TACC2: variants seen among roughly 807,000 people sequenced by gnomAD.
The protein encoded by TACC2 is transforming acidic coiled-coil containing protein 2, also known as transforming acidic coiled-coil-containing protein 2.
TACC2 carries 137 observed loss-of-function variants against 227.3 expected under a neutral mutation model. The ratio of observed to expected loss-of-function variants is 0.60; its 90% CI spans 0.52 to 0.69. The LOEUF (loss-of-function observed/expected upper bound fraction) is 0.69, where lower values mean the gene tolerates loss of function less well. TACC2 is among the 30% of genes least tolerant of loss of function. The pLI is 0.00. For synonymous variants in TACC2, 1,523 were observed against 1,487.5 expected, an observed-to-expected ratio of 1.02 and a Z score of -0.55; for missense variants, 3,470 against 3,694.4, an observed-to-expected ratio of 0.94 and a Z score of 1.57.
intron 22 of TACC2, among the ~76,000 whole-genome samples, chr10:122,252,266 G>C (rs2096267339): frequency 6.6e-6 from 1 of 152,198 alleles, no homozygotes; most frequent in South Asian, 2.1e-4. Context: ...GACTGGCTGT[G>C]TGACCTTATA....
chr10:122,012,048 C>T (rs1402655800), intron 1 of TACC2, among the ~76,000 whole-genome samples: 2 of 151,984 alleles, frequency 1.3e-5, no homozygotes, highest in East Asian at 3.9e-4. Context: ...AATGATTCTC[C>T]CGCTTCCGCC....
In TACC2 at chr10:122,032,727, A is replaced by G. The variant is rs575988012; in HGVS notation, c.33+10713A>G. Among the ~76,000 whole-genome samples the G allele has an allele frequency of 3.2e-4, 49 of 152,244 alleles. No homozygotes were observed. In the South Asian group the frequency reaches 6.8e-3, roughly 21 times the overall value. ...GCAATCCCAGCACTTTGGGAGACCG[A>G]GGTGGGTGATCACCTGAGGTCAGGA... On this transcript the variant is annotated intron_variant, in intron 2 of 22. Transcript: ENST00000369005.
intron 1 of TACC2, among the ~76,000 whole-genome samples, chr10:122,002,109 T>C (rs953561015): frequency 1.3e-5 from 2 of 152,194 alleles, no homozygotes; most frequent in African/African-American, 4.8e-5. Context: ...GTGAGGATCA[T>C]CTTCTTGGTT....
intron 11 of TACC2, among the ~76,000 whole-genome samples, chr10:122,224,497 A>G (rs2095584273): frequency 6.6e-6 from 1 of 152,144 alleles, no homozygotes; most frequent in East Asian, 1.9e-4. Context: ...CAGCCTCCCT[A>G]ATGGCAGAAG....
In TACC2 at chr10:122,210,122, A is replaced by G. The variant is rs1206044479; in HGVS notation, c.5972-275A>G. On this transcript the variant is annotated intron_variant, in intron 8 of 22. Transcript: ENST00000369005. This position sits in a 1 kb window ranked among gnomAD's most constrained non-coding sequence, Gnocchi z 4.6. The stretch of plus-strand genomic sequence containing the variant: ...CTGGTCCTGATTAGGCACTTGGTGA[A>G]TGTTTTTGAATGAATACTCTGAGCT... 8.1e-6 allele frequency: 4 copies of G among 494,438 alleles called. No homozygotes were observed. The highest frequency in any genetic ancestry group is 1.5e-5 in the Non-Finnish European group (4 of 273,518). 30.6% of individuals were successfully genotyped at this position (494,438 alleles called of 1,614,324 possible). A position where few individuals can be genotyped will look rare whatever the true frequency, so the allele number is the denominator to read the frequency against.
At chr10:122,126,801 C>G (rs897752055) in intron 5 of TACC2, 1 of 152,192 alleles carries the variant, frequency 6.6e-6, no homozygotes, top group Non-Finnish European at 1.5e-5. Flanking sequence ...TCATCCCAGC[C>G]TGTAGAATCC....
chr10:122,074,411 C>T (rs781449076), intron 3 of TACC2, among the ~76,000 whole-genome samples: 10 of 152,088 alleles, frequency 6.6e-5, no homozygotes, highest in Admixed American at 2.6e-4. Flanking sequence ...ACCTAGCAGT[C>T]ATATATTAGA....
chr10:122,183,087 C>T (rs1174761591), intron 7 of TACC2, among the ~76,000 whole-genome samples: 1 of 152,176 alleles, frequency 6.6e-6, no homozygotes, highest in Non-Finnish European at 1.5e-5. Flanking sequence ...TGCCTGTAAT[C>T]CCAGCTAGTC....
intron 5 of TACC2, among the ~76,000 whole-genome samples, chr10:122,115,053 C>G (rs948030609): frequency 6.6e-6 from 1 of 152,242 alleles, no homozygotes; most frequent in Non-Finnish European, 1.5e-5. Flanking sequence ...CAGACACTTG[C>G]CCTGGTGTTC....
At chr10:122,037,349 T>C (rs1960744492) in intron 2 of TACC2, among the ~76,000 whole-genome samples, 1 of 152,076 alleles carries the variant, frequency 6.6e-6, no homozygotes, top group Admixed American at 6.6e-5. Flanking sequence ...AAAGCCATGG[T>C]GATAAAAGAG....
intron 5 of TACC2, among the ~76,000 whole-genome samples, chr10:122,120,316 C>T (rs1224939658): frequency 6.6e-6 from 1 of 152,144 alleles, no homozygotes; most frequent in Non-Finnish European, 1.5e-5. Flanking sequence ...AGCCAGGAGA[C>T]CCTGGGTTTC....
intron 3 of TACC2, among the ~76,000 whole-genome samples, chr10:122,063,245 A>G (rs2077031244): frequency 6.6e-6 from 1 of 152,208 alleles, no homozygotes; most frequent in Admixed American, 6.5e-5. Flanking sequence ...AGAGCCCTGT[A>G]TTTCCCAGGC....
intron 3 of TACC2, among the ~76,000 whole-genome samples, chr10:122,077,867 C>A (rs761671645): frequency 1.3e-5 from 2 of 152,050 alleles, no homozygotes; most frequent in Admixed American, 1.3e-4. Context: ...ACCCTTCTAC[C>A]AGGCTGTTGT....
intron 1 of TACC2, among the ~76,000 whole-genome samples, chr10:122,006,594 G>A (rs1955185551): frequency 6.6e-6 from 1 of 152,064 alleles, no homozygotes; most frequent in African/African-American, 2.4e-5. Context: ...GACATGTCTT[G>A]GGATTGATTG....
At position 122,050,423 on chromosome 10, in the gene TACC2, T is replaced by C. The variant is rs2075544317; in HGVS notation, c.34-15T>C. On this transcript the variant is annotated splice_polypyrimidine_tract_variant and intron_variant, in intron 2 of 22. Transcript: ENST00000369005. This position sits in a 1 kb window ranked among gnomAD's most constrained non-coding sequence, Gnocchi z 4.6. ...TATCTGATTTCCTTTCCAATTTCTT[T>C]TTCTCCTGGCTCAGAGGACTTTATC... 3 of 1,605,436 alleles carry C rather than the reference T, an allele frequency of 1.9e-6. No individual in the cohort carries two copies. The African/African-American group carries it at 4.0e-5, about 22-fold the overall frequency.
rs2420984 is a variant in TACC2 at position 122,086,535 on chromosome 10, G to A, written c.4035G>A (p.Glu1345=). 6.2e-7 allele frequency: 1 copy of A among 1,610,178 alleles called. No homozygotes were observed. Among genetic ancestry groups the A allele is most frequent in the Non-Finnish European group, 8.5e-7 (1 of 1,177,992 alleles). ...AGGGCAAGCAGGCAACAGGGGAAGA[G>A]AAAGCAGCAACAGCTCCAGGTGCAG... is the stretch of plus-strand genomic sequence containing the variant. ...LAKGKQATGE[E]KAATAPGAGA... Residue 1345 remains glutamate (E), a synonymous_variant, in exon 4 of 23, where the codon GAG becomes GAA. Transcript: ENST00000369005.
At chr10:122,047,357 A>G (rs1395267387) in intron 2 of TACC2, among the ~76,000 whole-genome samples, 1 of 149,820 alleles carries the variant, frequency 6.7e-6, no homozygotes, top group African/African-American at 2.4e-5. Flanking sequence ...TGTGAACTTA[A>G]GGTGATTTAA....
chr10:122,225,064 T>TA (rs10712513), intron 12 of TACC2, among the ~76,000 whole-genome samples: 7,167 of 143,896 alleles, frequency 0.05, 203 homozygotes, highest in East Asian at 0.12. Flanking sequence ...GAGATTTCTT[T>TA]AAAAAAAAAA....
chr10:122,008,116 T>C (rs1955422215), intron 1 of TACC2, among the ~76,000 whole-genome samples: 2 of 151,858 alleles, frequency 1.3e-5, no homozygotes, highest in African/African-American at 4.8e-5. Context: ...TATTCTGTTA[T>C]AGGAACAGAA....
Sources: allele counts gnomAD v4.1 joint callset (sites outside exome capture counted in the v4.1 genomes callset), GRCh38; gene constraint gnomAD v4.1.1; non-coding constraint Gnocchi (gnomAD v3.1); transcripts MANE v1.5; gene names NCBI Gene and HGNC (gene_info 2026-07-23, HGNC 2026-07-21).